The following ZFHX3 variants were observed in gnomAD, a reference collection of about 807,000 sequenced individuals.
The protein encoded by ZFHX3 is zinc finger homeobox 3.
A neutral mutation model predicts 279.1 loss-of-function variants in ZFHX3; 42 were observed. The ratio of observed to expected loss-of-function variants is 0.15; its 90% confidence interval spans 0.12 to 0.19. ZFHX3 has a LOEUF of 0.19. ZFHX3 is among the 10% of genes least tolerant of loss of function. The pLI is 1.00. For synonymous variants in ZFHX3, 2,293 were observed against 1,957.8 expected, an observed-to-expected ratio of 1.17 and a Z score of -4.52; for missense variants, 4,981 against 4,754.0, an observed-to-expected ratio of 1.05 and a Z score of -1.40.
intron 4 of ZFHX3, among the ~76,000 whole-genome samples, chr16:72,870,338 GC>G: frequency 2.0e-5 from 3 of 152,032 alleles, no homozygotes. Flanking sequence ...GTTGCAGTGA[GC>G]CAAGATCTCG....
rs10672414 is a variant in ZFHX3, at chr16:73,055,847, T to TACACACACACACACACACAC, written c.-24+2663_-24+2682dup. On this transcript the variant is annotated intron_variant, in intron 1 of 8. Coordinates refer to the ZFHX3 transcript ENST00000397992. ...CCCCAAATCCTCATACCTACAACTC[T>TACACACACACACACACACAC]ACACACACACACACACACACACACA... Among the ~76,000 whole-genome samples the TACACACACACACACACACAC allele has an allele frequency of 2.0e-4, 28 of 138,708 alleles. 1 individual carries two copies. The highest frequency in any genetic ancestry group is 5.0e-4 in the South Asian group (2 of 4,022). 91.0% of individuals were successfully genotyped at this position (138,708 alleles called of 152,430 possible).
intron 4 of ZFHX3, among the ~76,000 whole-genome samples, chr16:72,862,037 C>T (rs186159886): frequency 9.2e-5 from 14 of 152,212 alleles, no homozygotes; most frequent in African/African-American, 2.4e-4. Context: ...ATAGATAGAA[C>T]TGGAATTTTC....
chr16:73,427,331 G>T (rs1342181991), intron 3 of ZFHX3, among the ~76,000 whole-genome samples: 3 of 152,044 alleles, frequency 2.0e-5, no homozygotes, highest in African/African-American at 7.2e-5. Context: ...TCATTCTGGG[G>T]CCCTCATTCC....
At chr16:73,431,526 G>C (rs1380939241) in intron 3 of ZFHX3, among the ~76,000 whole-genome samples, 1 of 152,108 alleles carries the variant, frequency 6.6e-6, no homozygotes, top group Non-Finnish European at 1.5e-5. Flanking sequence ...GGGTGACAGA[G>C]GGAGACGCTG....
intron 1 of ZFHX3, among the ~76,000 whole-genome samples, chr16:73,684,794 G>A (rs1391405162): frequency 1.3e-5 from 2 of 151,308 alleles, no homozygotes; most frequent in South Asian, 4.2e-4. Flanking sequence ...TCCACCTCCT[G>A]GGTTCAAGCA....
intron 5 of ZFHX3, among the ~76,000 whole-genome samples, chr16:73,253,813 A>G (rs1312301093): frequency 6.6e-6 from 1 of 152,146 alleles, no homozygotes; most frequent in Non-Finnish European, 1.5e-5. Context: ...CAGAAGACAC[A>G]GAGTGGATGT....
chr16:73,098,413 G>C (rs112299420), intron 7 of ZFHX3, among the ~76,000 whole-genome samples: 8,207 of 152,148 alleles, frequency 0.054, 330 homozygotes, highest in Admixed American at 0.087. Context: ...CTAGGCTGGA[G>C]TGCAGTGGCA....
intron 3 of ZFHX3, among the ~76,000 whole-genome samples, chr16:73,455,670 C>G (rs2018358802): frequency 6.6e-6 from 1 of 151,808 alleles, no homozygotes; most frequent in Admixed American, 6.6e-5. Context: ...CTACAAACAG[C>G]TTTTAAAACT....
At chr16:73,428,915 G>A (rs1487231290) in intron 3 of ZFHX3, among the ~76,000 whole-genome samples, 2 of 152,074 alleles carry the variant, frequency 1.3e-5, no homozygotes, top group African/African-American at 4.8e-5. Flanking sequence ...AGTGAATACT[G>A]CAGGGGCCTC....
At chr16:73,817,578 C>T (rs190263223) in intron 1 of ZFHX3, among the ~76,000 whole-genome samples, 2 of 152,274 alleles carry the variant, frequency 1.3e-5, no homozygotes, top group East Asian at 1.9e-4. Flanking sequence ...TTTACCTGCT[C>T]GGTCTGCAAA....
chr16:72,787,235 C>T lies in ZFHX3; in HGVS notation c.11041G>A (p.Gly3681Ser). 1 of 1,614,024 alleles carries T rather than the reference C, an allele frequency of 6.2e-7. No homozygotes were observed. Among genetic ancestry groups the T allele is most frequent in the Non-Finnish European group, 8.5e-7 (1 of 1,179,990 alleles). The change falls in exon 10 of 10, where the codon GGT (glycine) becomes AGT (serine). Residue 3681 changes from glycine (G) to serine (S), a missense_variant. Transcript: ENST00000268489. Reference protein sequence around the residue: ...KSDGPASPVEGPKDPSCPKDS... With the variant: ...KSDGPASPVESPKDPSCPKDS... ...TTGGGGCAGCTGGGGTCTTTGGGAC[C>T]CTCCACCGGGCTCGCCGGTCCGTCG...
intron 2 of ZFHX3, 85 bp from the exon 3 acceptor site, chr16:72,951,050 C>G: frequency 6.5e-7 from 1 of 1,529,294 alleles, no homozygotes; most frequent in South Asian, 1.3e-5. Flanking sequence ...CCTCCGCCAC[C>G]CTCAACTGGG....
chr16:73,514,720 T>A (rs1169090871), intron 2 of ZFHX3, among the ~76,000 whole-genome samples: 1 of 152,178 alleles, frequency 6.6e-6, no homozygotes, highest in African/African-American at 2.4e-5. Context: ...GATCTGAGAC[T>A]ACCTCCTGCT....
rs188723311 is a variant in ZFHX3, at chr16:73,740,264, C to T, written c.-1607-60024G>A. Among the ~76,000 whole-genome samples, 782 of 152,226 alleles carry T rather than the reference C, an allele frequency of 5.1e-3. 4 individuals are homozygous for T. The highest frequency in any genetic ancestry group is 6.6e-3 in the Non-Finnish European group (451 of 68,028). On this transcript the variant is annotated intron_variant, in intron 1 of 17. Coordinates refer to the ZFHX3 transcript ENST00000641206. ...CATTCCTCTACACACTCCTTGGGCACTGGGCTTGCTTTGTGTCATTAACTA... is the reference window on the plus strand; with the variant it reads ...CATTCCTCTACACACTCCTTGGGCATTGGGCTTGCTTTGTGTCATTAACTA...
intron 3 of ZFHX3, among the ~76,000 whole-genome samples, chr16:72,948,219 G>T (rs1365331219): frequency 1.3e-5 from 2 of 152,176 alleles, no homozygotes; most frequent in African/African-American, 4.8e-5. Flanking sequence ...GCTCCTGACG[G>T]AGGCAATTCT....
intron 1 of ZFHX3, among the ~76,000 whole-genome samples, chr16:73,056,423 C>A (rs1206929964): frequency 1.3e-5 from 2 of 151,944 alleles, no homozygotes; most frequent in Admixed American, 1.3e-4. Flanking sequence ...AGAAGAGGGC[C>A]CCCCAAGTGC....
At chr16:73,479,731 C>G (rs895624759) in intron 2 of ZFHX3, among the ~76,000 whole-genome samples, 97 of 152,200 alleles carry the variant, frequency 6.4e-4, no homozygotes, top group Admixed American at 5.9e-4. Context: ...AATGTTGAAA[C>G]TCACCAAATA....
chr16:73,211,391 T>A (rs1231990071), intron 5 of ZFHX3, among the ~76,000 whole-genome samples: 1 of 152,196 alleles, frequency 6.6e-6, no homozygotes, highest in Non-Finnish European at 1.5e-5. Context: ...CTTAGTTTTG[T>A]CACTCAAATT....
chr16:73,645,478 C>G (rs563227251), intron 2 of ZFHX3, among the ~76,000 whole-genome samples: 235 of 152,152 alleles, frequency 1.5e-3, no homozygotes, highest in Middle Eastern at 6.8e-3. Context: ...GGATGGTTTC[C>G]ATCTCCTGAC....
Sources: gnomAD v4.1 joint callset for allele counts (sites outside exome capture counted in the v4.1 genomes callset) on GRCh38, gnomAD v4.1.1 for gene constraint, MANE v1.5 for transcripts, NCBI Gene and HGNC (gene_info 2026-07-23, HGNC 2026-07-21) for gene names.